The following RARB variants were observed in gnomAD, a reference collection of about 807,000 sequenced individuals.
RARB encodes the protein HBV-activated protein.
Under a neutral mutation model 51.9 loss-of-function variants are expected in RARB, and 17 were observed. That is an observed-to-expected ratio of 0.33 (90% confidence interval 0.22 to 0.49). RARB has a LOEUF of 0.49. RARB is among the 20% of genes least tolerant of loss of function. RARB has a pLI of 0.99. For missense variants in RARB, 369 were observed against 550.8 expected (o/e 0.67, Z 3.30); for synonymous variants, 215 against 195.4 (o/e 1.10, Z -0.84).
intron 5 of RARB, among the ~76,000 whole-genome samples, chr3:25,396,876 C>G (rs900530451): frequency 6.6e-6 from 1 of 152,144 alleles, no homozygotes; most frequent in African/African-American, 2.4e-5. Flanking sequence ...AGTTTCACTC[C>G]AACTGTGCCC....
At chr3:25,185,542 A>C (rs1256227875) in intron 5 of RARB, among the ~76,000 whole-genome samples, 1 of 152,168 alleles carries the variant, frequency 6.6e-6, no homozygotes, top group Non-Finnish European at 1.5e-5. Context: ...TAACCTTGAC[A>C]TTTCATACAA....
At chr3:24,912,803 C>G (rs67922835) in intron 2 of RARB, among the ~76,000 whole-genome samples, 57,974 of 151,678 alleles carry the variant, frequency 0.38, 11,540 homozygotes, top group East Asian at 0.62. Flanking sequence ...ACCTGAATCT[C>G]AGTTTTTCTA....
chr3:24,900,122 C>T (rs937265), intron 2 of RARB, among the ~76,000 whole-genome samples: 116,523 of 152,156 alleles, frequency 0.77, 45,161 homozygotes, highest in East Asian at 0.87. Flanking sequence ...GCAATAATAG[C>T]AGCATTTGAA....
chr3:25,472,300 A>G (rs932769402), intron 2 of RARB, among the ~76,000 whole-genome samples: 1 of 152,140 alleles, frequency 6.6e-6, no homozygotes, highest in Non-Finnish European at 1.5e-5. Context: ...ACTGGAATGA[A>G]AAGAGAGCGT....
chr3:25,415,969 A>C (rs987983599), intron 5 of RARB, among the ~76,000 whole-genome samples: 1 of 152,252 alleles, frequency 6.6e-6, no homozygotes, highest in Admixed American at 6.5e-5. Context: ...TAAATAAAAA[A>C]TGCAGGGGCA....
chr3:25,492,606 A>G (rs1175192478), intron 2 of RARB, among the ~76,000 whole-genome samples: 2 of 152,246 alleles, frequency 1.3e-5, no homozygotes, highest in African/African-American at 4.8e-5. Context: ...ACAGAGGTTC[A>G]GCTCTCAAGG....
chr3:25,218,455 G>C (rs1482783038), intron 5 of RARB, among the ~76,000 whole-genome samples: 1 of 152,062 alleles, frequency 6.6e-6, no homozygotes, highest in South Asian at 2.1e-4. Flanking sequence ...TTGTAAAATA[G>C]AAACATGCTC....
chr3:25,122,323 TTC>T (rs1385328763), intron 3 of RARB, among the ~76,000 whole-genome samples: 1 of 151,946 alleles, frequency 6.6e-6, no homozygotes, highest in African/African-American at 2.4e-5. Flanking sequence ...TTCTCTCAAT[TTC>T]TGTTATTGTT....
chr3:25,080,836 CTTT>C (rs948811032), intron 3 of RARB, among the ~76,000 whole-genome samples: 2 of 152,002 alleles, frequency 1.3e-5, no homozygotes, highest in African/African-American at 4.8e-5. Context: ...TTTTTTTCTA[CTTT>C]TAAGGTTTTT....
At chr3:25,489,275 AAG>A (rs1254225231) in intron 2 of RARB, among the ~76,000 whole-genome samples, 2 of 152,226 alleles carry the variant, frequency 1.3e-5, no homozygotes. Context: ...AGGATCAAGA[AAG>A]AGGAGCCTGT....
At chr3:25,517,821 T>C (rs894792531) in intron 3 of RARB, among the ~76,000 whole-genome samples, 1 of 152,170 alleles carries the variant, frequency 6.6e-6, no homozygotes, top group Non-Finnish European at 1.5e-5. Context: ...TAAAAAGGAA[T>C]GAAATATTGA....
At chr3:25,393,127 T>A (rs1322462211) in intron 5 of RARB, among the ~76,000 whole-genome samples, 6 of 152,128 alleles carry the variant, frequency 3.9e-5, no homozygotes, top group Non-Finnish European at 8.8e-5. Flanking sequence ...AATGCTTTTT[T>A]CTGTGTCTAT....
intron 2 of RARB, among the ~76,000 whole-genome samples, chr3:24,908,020 T>A (rs1322092723): frequency 6.6e-6 from 1 of 152,116 alleles, no homozygotes; most frequent in Non-Finnish European, 1.5e-5. Flanking sequence ...TTTGTTATCT[T>A]TATCAACATC....
chr3:25,518,017 A>G (rs1698242919), intron 3 of RARB, among the ~76,000 whole-genome samples: 1 of 152,194 alleles, frequency 6.6e-6, no homozygotes, highest in Non-Finnish European at 1.5e-5. Flanking sequence ...AGGGCTGCTA[A>G]TGGAAATATT....
At chr3:24,850,520 A>T (rs1702542150) in intron 1 of RARB, among the ~76,000 whole-genome samples, 1 of 152,236 alleles carries the variant, frequency 6.6e-6, no homozygotes, top group Non-Finnish European at 1.5e-5. Context: ...CCTCTAAGGG[A>T]TAACAGAGTC....
chr3:24,926,740 C>G (rs183283361), intron 2 of RARB, among the ~76,000 whole-genome samples: 219 of 151,602 alleles, frequency 1.4e-3, no homozygotes, highest in African/African-American at 5.0e-3. Context: ...ATATAGCATG[C>G]CCTTACAAAT....
intron 5 of RARB, among the ~76,000 whole-genome samples, chr3:25,232,001 A>T (rs1702188789): frequency 6.6e-6 from 1 of 151,774 alleles, no homozygotes; most frequent in Non-Finnish European, 1.5e-5. Flanking sequence ...TTCATTTAAA[A>T]GTGATAAAGT....
chr3:25,160,675 A>G (rs939827868), intron 4 of RARB, among the ~76,000 whole-genome samples: 3 of 152,194 alleles, frequency 2.0e-5, no homozygotes, highest in South Asian at 2.1e-4. Context: ...ACAAATTACT[A>G]CAAGCTTAAA....
intron 2 of RARB, among the ~76,000 whole-genome samples, chr3:24,950,772 T>C (rs1028040121): frequency 6.6e-6 from 1 of 151,192 alleles, no homozygotes; most frequent in Non-Finnish European, 1.5e-5. Context: ...AAATATTATA[T>C]AAGAGCTTGA....
Sources: gnomAD v4.1 joint callset for allele counts (sites outside exome capture counted in the v4.1 genomes callset) on GRCh38, gnomAD v4.1.1 for gene constraint, MANE v1.5 for transcripts, NCBI Gene and HGNC (gene_info 2026-07-23, HGNC 2026-07-21) for gene names.